SH2B2: variants seen among roughly 807,000 people sequenced by gnomAD.
SH2B2 encodes the protein SH2B adaptor protein 2.
Under a neutral mutation model 35.7 loss-of-function variants are expected in SH2B2, and 37 were observed. That is an observed-to-expected ratio of 1.04 (90% confidence interval 0.80 to 1.36). The LOEUF (loss-of-function observed/expected upper bound fraction) is 1.36, where lower values mean the gene tolerates loss of function less well. Among genes scored for constraint, SH2B2 ranks in the 40% most tolerant of loss-of-function variants. The pLI, the probability that SH2B2 is intolerant of heterozygous loss-of-function variation, is 0.00. For synonymous variants in SH2B2, 383 were observed against 376.4 expected (o/e 1.02, Z -0.20); for missense variants, 852 against 817.7 (o/e 1.04, Z -0.51).
At chr7:102,291,380 C>A (rs565670088) in intron 1 of SH2B2, among the ~76,000 whole-genome samples, 1 of 152,262 alleles carries the variant, frequency 6.6e-6, no homozygotes, top group South Asian at 2.1e-4. Flanking sequence ...CTGCTCAGGC[C>A]GAGCCTTGGA....
intron 4 of SH2B2, among the ~76,000 whole-genome samples, chr7:102,313,124 T>C (rs1793687577): frequency 9.6e-6 from 1 of 104,348 alleles, no homozygotes; most frequent in Admixed American, 1.2e-4. Context: ...AGAGCAAAAC[T>C]CTGTCTAAAA....
At position 102,314,666 on chromosome 7, in the gene SH2B2, T is replaced by A. The variant is rs1429996025; in HGVS notation, c.1170T>A (p.Ser390Arg). The A allele has an allele frequency of 1.3e-5, 5 of 398,522 alleles. No individual in the cohort carries two copies. The highest frequency in any genetic ancestry group is 1.0e-4 in the African/African-American group (5 of 48,614). 24.7% of individuals were successfully genotyped at this position (398,522 alleles called of 1,614,324 possible). A position where few individuals can be genotyped will look rare whatever the true frequency, so the allele number is the denominator to read the frequency against. The change falls in exon 6 of 9, where the codon AGT becomes AGA. Residue 390 changes from serine (S) to arginine (R), a missense_variant. Around this residue, in one of 3 missense-constraint regions of SH2B2, gnomAD observed 556 missense variants for 514.5 expected, o/e 1.08. Coordinates refer to ENST00000444095, the MANE Select transcript of SH2B2 (RefSeq NM_001359228.2). ...TGGAATCCCCGGGCGGCAGCGGCAG[T>A]GACAGCAATAACACAGGTGCCAGTG... The part of the protein sequence containing the change: ...QTLESPGGSG[S>R]DSNNTGEQGA...
intron 2 of SH2B2, among the ~76,000 whole-genome samples, chr7:102,303,148 C>G (rs1244844819): frequency 8.6e-5 from 13 of 150,992 alleles, no homozygotes; most frequent in Non-Finnish European, 1.5e-5. Context: ...ACCCAGGAGG[C>G]AGAGATTGTG....
chr7:102,305,114 C>T (rs1455413860), intron 2 of SH2B2, among the ~76,000 whole-genome samples: 2 of 152,180 alleles, frequency 1.3e-5, no homozygotes, highest in African/African-American at 4.8e-5. Flanking sequence ...ACACTGGTCC[C>T]TTTTACTCAC....
chr7:102,300,876 C>T lies in SH2B2; in HGVS notation c.326C>T (p.Ala109Val), dbSNP rs1554553581. 6.9e-7 allele frequency: 1 copy of T among 1,459,096 alleles called. No homozygotes were observed. The highest frequency in any genetic ancestry group is 1.4e-5 in the South Asian group (1 of 72,422). 90.4% of individuals were successfully genotyped at this position (1,459,096 alleles called of 1,614,324 possible). A position where few individuals can be genotyped will look rare whatever the true frequency, so the allele number is the denominator to read the frequency against. The change falls in exon 2 of 9, where the codon GCG (alanine) becomes GTG (valine). Residue 109 changes from alanine (A) to valine (V), a missense_variant. Transcript: ENST00000444095. ...PELADTSALK[A>V]APYGHSRSSE... ...CTCGCGGACACCTCTGCACTCAAGG[C>T]GGCGCCCTACGGCCACTCGCGGAGC...
intron 6 of SH2B2, 199 bp from the exon 7 acceptor site, chr7:102,316,988 C>T: frequency 1.9e-6 from 1 of 522,622 alleles, no homozygotes; most frequent in Non-Finnish European, 3.4e-6. Context: ...CAGCATTGCA[C>T]TCCAGCCTGG....
At chr7:102,319,773 C>A (rs1554557884) in intron 7 of SH2B2, among the ~76,000 whole-genome samples, 1 of 152,262 alleles carries the variant, frequency 6.6e-6, no homozygotes, top group South Asian at 2.1e-4. Flanking sequence ...GCACCTGCCT[C>A]ACACAGGCCC....
Position 102,301,248 on chromosome 7 carries a change from G to A in SH2B2, c.698G>A (p.Arg233His), listed in dbSNP as rs2132955736. ...CTGCGCAGGGCTGTGGCCGAGGAAC[G>A]CTTCCGCCTGGAGTTCTTCGTGCCG... ...LLLRRAVAEE[R>H]FRLEFFVPPK... The change falls in exon 2 of 9, where the codon CGC becomes CAC. Residue 233 changes from arginine (R) to histidine (H), a missense_variant. Around this residue, in one of 3 missense-constraint regions of SH2B2, gnomAD observed 556 missense variants for 514.5 expected, o/e 1.08. Transcript: ENST00000444095. 1 of 1,604,522 alleles carries A rather than the reference G, an allele frequency of 6.2e-7. No homozygotes were observed. Among genetic ancestry groups the A allele is most frequent in the Admixed American group, 1.7e-5 (1 of 59,214 alleles).
At chr7:102,318,137 G>C (rs1482345527) in intron 7 of SH2B2, among the ~76,000 whole-genome samples, 2 of 151,994 alleles carry the variant, frequency 1.3e-5, no homozygotes, top group East Asian at 1.9e-4. Flanking sequence ...GAAATGCTTT[G>C]TTTTTGTTTT....
At chr7:102,313,949 G>A (rs1053904372) in intron 4 of SH2B2, among the ~76,000 whole-genome samples, 4 of 152,120 alleles carry the variant, frequency 2.6e-5, no homozygotes, top group South Asian at 2.1e-4. Flanking sequence ...TTATGACTAC[G>A]TTTTGGGAAA....
intron 4 of SH2B2, among the ~76,000 whole-genome samples, chr7:102,313,161 T>C (rs1793690130): frequency 6.7e-6 from 1 of 148,392 alleles, no homozygotes; most frequent in East Asian, 2.0e-4. Context: ...AGACGTGTTC[T>C]TGCGGCCAGG....
intron 7 of SH2B2, 69 bp downstream of exon 7, chr7:102,317,464 G>C (rs73712462): frequency 5.1e-6 from 7 of 1,359,486 alleles, no homozygotes; most frequent in Non-Finnish European, 5.9e-6. Flanking sequence ...TGGTGACCCC[G>C]GTCCTGAGGC....
chr7:102,311,056 G>A lies in SH2B2; in HGVS notation c.923+2150G>A, dbSNP rs567704108. Among the ~76,000 whole-genome samples, 7 of 152,136 alleles carry A rather than the reference G, an allele frequency of 4.6e-5. No individual in the cohort carries two copies. The East Asian group carries it at 1.4e-3, about 29-fold the overall frequency. ...ATTTGCAAATGGCAGATAAATGAGA[G>A]AAAAGGCATACAAATTTATTTATTT... On this transcript the variant is annotated intron_variant, in intron 4 of 8. Coordinates refer to ENST00000444095, the MANE Select transcript of SH2B2 (RefSeq NM_001359228.2).
chr7:102,296,056 A>G (rs1792902107), intron 1 of SH2B2, among the ~76,000 whole-genome samples: 1 of 152,172 alleles, frequency 6.6e-6, no homozygotes, highest in Non-Finnish European at 1.5e-5. Flanking sequence ...GTACCAAGGC[A>G]GGAGTCTCCT....
chr7:102,301,009 C>G lies in SH2B2; in HGVS notation c.459C>G (p.His153Gln), dbSNP rs761555031. The G allele has an allele frequency of 7.8e-6, 11 of 1,418,540 alleles. No homozygotes were observed. The highest frequency in any genetic ancestry group is 1.5e-5 in the African/African-American group (1 of 66,040). 87.9% of individuals were successfully genotyped at this position (1,418,540 alleles called of 1,614,324 possible). ...CVVDGVRDMWHRRASPEPDAA... is the reference protein window; with the variant it reads ...CVVDGVRDMWQRRASPEPDAA... The stretch of plus-strand genomic sequence containing the variant: ...TGGACGGCGTGCGCGACATGTGGCA[C>G]CGGCGCGCCTCGCCCGAGCCCGACG... The change falls in exon 2 of 9, where the codon CAC becomes CAG. Residue 153 changes from histidine (H) to glutamine (Q), a missense_variant. Around this residue, in one of 3 missense-constraint regions of SH2B2, gnomAD observed 294 missense variants for 286.6 expected, o/e 1.03. Transcript: ENST00000444095.
At chr7:102,313,681 G>T (rs1404496873) in intron 4 of SH2B2, among the ~76,000 whole-genome samples, 1 of 152,014 alleles carries the variant, frequency 6.6e-6, no homozygotes, top group African/African-American at 2.4e-5. Context: ...TTTGGAGGAC[G>T]AGGCAGGCAG....
intron 1 of SH2B2, among the ~76,000 whole-genome samples, chr7:102,296,460 C>G (rs1792919112): frequency 6.6e-6 from 1 of 152,178 alleles, no homozygotes; most frequent in African/African-American, 2.4e-5. Flanking sequence ...CAGGGACTCC[C>G]CAGGCACTAC....
At chr7:102,313,154 C>T (rs1217916433) in intron 4 of SH2B2, among the ~76,000 whole-genome samples, 1 of 136,120 alleles carries the variant, frequency 7.3e-6, no homozygotes, top group Non-Finnish European at 1.6e-5. Context: ...AAAAAAAAGA[C>T]GTGTTCTTGC....
chr7:102,305,986 C>T (rs1793382422), intron 2 of SH2B2, among the ~76,000 whole-genome samples: 1 of 151,258 alleles, frequency 6.6e-6, no homozygotes, highest in South Asian at 2.1e-4. Context: ...CCTCGACCAC[C>T]TCCCCTGATC....
Sources: gnomAD v4.1 joint callset for allele counts (sites outside exome capture counted in the v4.1 genomes callset) on GRCh38, gnomAD v4.1.1 for gene constraint, gnomAD v4.1.1 regional missense constraint, MANE v1.5 for transcripts, NCBI Gene and HGNC (gene_info 2026-07-23, HGNC 2026-07-21) for gene names.